MTX2: variants seen among roughly 807,000 people sequenced by gnomAD.
MTX2 encodes the protein metaxin-2.
A neutral mutation model predicts 42.3 loss-of-function variants in MTX2; 35 were observed. The ratio of observed to expected loss-of-function variants is 0.83; its 90% confidence interval spans 0.63 to 1.10. The LOEUF (loss-of-function observed/expected upper bound fraction) is 1.10, where lower values mean the gene tolerates loss of function less well. MTX2 is among the 50% of genes least tolerant of loss of function. The pLI is 0.00. For missense variants in MTX2, 307 were observed against 304.1 expected (o/e 1.01, Z -0.07); for synonymous variants, 119 against 100.9 (o/e 1.18, Z -1.08).
chr2:176,318,099 C>T (rs1684488432), intron 3 of MTX2, among the ~76,000 whole-genome samples: 3 of 152,098 alleles, frequency 2.0e-5, no homozygotes, highest in Admixed American at 2.0e-4. Context: ...CTTTTGTCTC[C>T]TCTGCTCTTC....
chr2:176,282,405 C>G (rs76746458), intron 1 of MTX2, among the ~76,000 whole-genome samples: 2 of 151,848 alleles, frequency 1.3e-5, no homozygotes, highest in Non-Finnish European at 2.9e-5. Flanking sequence ...GAACATTTTG[C>G]CTCCGTTTCC....
At chr2:176,292,853 T>C (rs1194965092) in intron 1 of MTX2, among the ~76,000 whole-genome samples, 1 of 152,242 alleles carries the variant, frequency 6.6e-6, no homozygotes, top group East Asian at 1.9e-4. Context: ...AAAACTGTTA[T>C]ACAAGTTAAT....
chr2:176,298,129 T>A (rs539989508), intron 3 of MTX2, among the ~76,000 whole-genome samples: 166 of 152,078 alleles, frequency 1.1e-3, no homozygotes, highest in African/African-American at 3.8e-3. Flanking sequence ...TTTTTTTTTT[T>A]AGAAATCACT....
At chr2:176,311,226 G>A (rs1684295959) in intron 3 of MTX2, among the ~76,000 whole-genome samples, 2 of 152,168 alleles carry the variant, frequency 1.3e-5, no homozygotes, top group South Asian at 4.1e-4. Context: ...TATCACCAGT[G>A]GAGGCTGCAG....
chr2:176,288,761 C>T (rs1250998317), intron 1 of MTX2, among the ~76,000 whole-genome samples: 1 of 151,782 alleles, frequency 6.6e-6, no homozygotes, highest in East Asian at 1.9e-4. Flanking sequence ...GAAATTATGT[C>T]TTCACCTACA....
chr2:176,274,352 G>T (rs778678549), intron 1 of MTX2, among the ~76,000 whole-genome samples: 42 of 151,920 alleles, frequency 2.8e-4, no homozygotes, highest in Non-Finnish European at 5.3e-4. Flanking sequence ...AACCTGTTTT[G>T]TCATATATTG....
chr2:176,278,282 C>CT (rs903814136), intron 1 of MTX2, among the ~76,000 whole-genome samples: 2 of 151,578 alleles, frequency 1.3e-5, no homozygotes, highest in African/African-American at 4.8e-5. Flanking sequence ...AACTGCTGAC[C>CT]TTATGTGATC....
At position 176,297,976 on chromosome 2, in the gene MTX2, T is replaced by C. The variant is rs1026050530; in HGVS notation, c.135+81T>C. 11 of 1,041,374 alleles carry C rather than the reference T, an allele frequency of 1.1e-5. No homozygotes were observed. In the Admixed American group the frequency reaches 2.3e-4, roughly 21 times the overall value. The allele number at this position is 1,041,374 out of a possible 1,614,324, so 64.5% of individuals were successfully genotyped here. A position where few individuals can be genotyped will look rare whatever the true frequency, so the allele number is the denominator to read the frequency against. ...TTGACTTGCAGTTATATTTTTCCCC[T>C]TCCAAAATGTCTGATACTATATGTT... On this transcript the variant is annotated intron_variant, in intron 3 of 9. Transcript: ENST00000249442.
chr2:176,281,009 A>G (rs756159744), intron 1 of MTX2, among the ~76,000 whole-genome samples: 34 of 152,248 alleles, frequency 2.2e-4, no homozygotes, highest in Admixed American at 5.2e-4. Context: ...GTCTATTAAG[A>G]TGGCCATCTT....
At chr2:176,270,099 AG>A in intron 1 of MTX2, 3 of 303,862 alleles carry the variant, frequency 9.9e-6, no homozygotes, top group African/African-American at 2.2e-5. Flanking sequence ...CCTATTGTTG[AG>A]GGAACACCAG....
intron 3 of MTX2, among the ~76,000 whole-genome samples, chr2:176,307,138 T>G (rs1684171141): frequency 6.6e-6 from 1 of 152,224 alleles, no homozygotes; most frequent in Non-Finnish European, 1.5e-5. Context: ...CTAGCCAGTT[T>G]TCCCAGCACC....
intron 3 of MTX2, among the ~76,000 whole-genome samples, chr2:176,305,227 G>T (rs957017627): frequency 2.6e-5 from 4 of 151,948 alleles, no homozygotes; most frequent in Non-Finnish European, 4.4e-5. Context: ...TAATTAAAAA[G>T]AATATATGTT....
At chr2:176,310,711 C>T (rs769828476) in intron 3 of MTX2, among the ~76,000 whole-genome samples, 3 of 152,116 alleles carry the variant, frequency 2.0e-5, no homozygotes, top group Admixed American at 6.5e-5. Context: ...CTTGTGCATG[C>T]GTCACGAAGT....
intron 3 of MTX2, 123 bp from the exon 4 acceptor site, chr2:176,323,269 A>G: frequency 1.3e-6 from 1 of 773,136 alleles, no homozygotes; most frequent in Admixed American, 2.5e-5. Flanking sequence ...AAATTGGTTC[A>G]TTGTTTTCTA....
At chr2:176,306,673 T>C (rs1684154115) in intron 3 of MTX2, among the ~76,000 whole-genome samples, 1 of 152,220 alleles carries the variant, frequency 6.6e-6, no homozygotes, top group South Asian at 2.1e-4. Flanking sequence ...ATGATGAGTA[T>C]TTTTTTCACG....
At position 176,301,998 on chromosome 2, in the gene MTX2, TAATAA is replaced by T. The variant is rs1460535321; in HGVS notation, c.135+4107_135+4111del. On this transcript the variant is annotated intron_variant, in intron 3 of 9. Transcript: ENST00000249442. ...TACATATTTTGTGAGTGTCTTTATA[TAATAA>T]AATGTTACTTTCTAATAAGTTTTAG... is the stretch of plus-strand genomic sequence containing the variant. 2.6e-5 allele frequency among the ~76,000 whole-genome samples: 4 copies of T among 152,244 alleles called. No homozygotes were observed. In the East Asian group the frequency reaches 7.7e-4, roughly 29 times the overall value.
intron 1 of MTX2, among the ~76,000 whole-genome samples, chr2:176,278,041 G>GTTTTTTTTTTTT (rs59379339): frequency 1.2e-5 from 1 of 84,836 alleles, no homozygotes; most frequent in African/African-American, 5.5e-5. Flanking sequence ...GTTGAAACTG[G>GTTTTTTTTTTTT]TTTTTTTTTT....
At chr2:176,304,407 A>G (rs1485303545) in intron 3 of MTX2, 4 of 152,802 alleles carry the variant, frequency 2.6e-5, no homozygotes, top group South Asian at 2.1e-4. Context: ...AGTCACAAAT[A>G]TAATTAAGGT....
chr2:176,335,689 T>C (rs1684969941), intron 9 of MTX2, among the ~76,000 whole-genome samples: 2 of 152,118 alleles, frequency 1.3e-5, no homozygotes, highest in African/African-American at 4.8e-5. Flanking sequence ...CCTAAATTTT[T>C]GGCCTGAACA....
Sources: allele counts gnomAD v4.1 joint callset (sites outside exome capture counted in the v4.1 genomes callset), GRCh38; gene constraint gnomAD v4.1.1; transcripts MANE v1.5; gene names NCBI Gene and HGNC (gene_info 2026-07-23, HGNC 2026-07-21).